Variants in MACROD1 observed in about 807,000 individuals in gnomAD.
MACROD1 encodes mono-ADP ribosylhydrolase 1, also known as ADP-ribose glycohydrolase MACROD1.
Under a neutral mutation model 41.4 loss-of-function variants are expected in MACROD1, and 31 were observed. The observed-to-expected ratio is 0.75, with a 90% CI of 0.56 to 1.01. The LOEUF is 1.01. MACROD1 is among the 50% of genes least tolerant of loss of function. The pLI is 0.00. For synonymous variants in MACROD1, 252 were observed against 203.4 expected, an observed-to-expected ratio of 1.24 and a Z score of -2.03; for missense variants, 473 against 460.0, an observed-to-expected ratio of 1.03 and a Z score of -0.26.
intron 3 of MACROD1, chr11:64,117,731 C>A: frequency 6.2e-7 from 1 of 1,613,802 alleles, no homozygotes; most frequent in South Asian, 1.1e-5. Context: ...TGCAGGGGGA[C>A]AAGACAGAGT....
chr11:64,108,210 G>A (rs1479178496), intron 3 of MACROD1, among the ~76,000 whole-genome samples: 1 of 152,022 alleles, frequency 6.6e-6, no homozygotes, highest in African/African-American at 2.4e-5. Flanking sequence ...CTACGCGGGA[G>A]GCTGAGGCAG....
intron 4 of MACROD1, among the ~76,000 whole-genome samples, chr11:64,007,551 G>A (rs1942934277): frequency 6.6e-6 from 1 of 152,156 alleles, no homozygotes; most frequent in Non-Finnish European, 1.5e-5. Flanking sequence ...GCCTCTACAG[G>A]ACCTCCCGGG....
chr11:64,127,529 A>C (rs1041368487), intron 3 of MACROD1, among the ~76,000 whole-genome samples: 3 of 152,162 alleles, frequency 2.0e-5, no homozygotes, highest in African/African-American at 7.2e-5. Context: ...GGCAGGATGG[A>C]GACTGTTCCC....
intron 3 of MACROD1, among the ~76,000 whole-genome samples, chr11:64,111,272 G>T (rs1489684486): frequency 6.6e-6 from 1 of 152,222 alleles, no homozygotes; most frequent in Non-Finnish European, 1.5e-5. Context: ...TGTATCCCTT[G>T]TGCCAGAACT....
intron 1 of MACROD1, 150 bp downstream of exon 1, chr11:64,165,547 G>A: frequency 1.7e-6 from 1 of 597,082 alleles, no homozygotes; most frequent in Non-Finnish European, 2.6e-6. Context: ...GCTGTCAATG[G>A]GGAGGAGGGG....
chr11:64,163,449 G>A (rs1458086258), intron 1 of MACROD1, among the ~76,000 whole-genome samples: 2 of 152,162 alleles, frequency 1.3e-5, no homozygotes, highest in Non-Finnish European at 2.9e-5. Flanking sequence ...GAGAGACTTC[G>A]AAGACGAGGT....
rs7926853 is a variant in MACROD1 at position 64,033,335 on chromosome 11, C to T, written c.518-18054G>A. 8.5e-3 allele frequency among the ~76,000 whole-genome samples: 1,288 copies of T among 152,288 alleles called. 23 individuals carry two copies. Among genetic ancestry groups the T allele is most frequent in the African/African-American group, 0.029 (1,216 of 41,546 alleles). On this transcript the variant is annotated intron_variant, in intron 3 of 10. Coordinates refer to ENST00000255681, the MANE Select transcript of MACROD1 (RefSeq NM_014067.4). ...TGCACAGCCACCAGGCATGGCTGAG[C>T]GGGTTATTCCATCAGCTTTGTGGAA... is the stretch of plus-strand genomic sequence containing the variant.
chr11:64,114,889 C>T lies in MACROD1; in HGVS notation c.517+36350G>A, dbSNP rs555289503. Among the ~76,000 whole-genome samples, 3 of 152,316 alleles carry T rather than the reference C, an allele frequency of 2.0e-5. No individual in the cohort carries two copies. The East Asian group carries it at 5.8e-4, about 29-fold the overall frequency. On this transcript the variant is annotated intron_variant, in intron 3 of 10. Transcript: ENST00000255681. ...GAGGAGGTAACATTTGAGCTGGGTC[C>T]TGCAAGAGTAGCTTGCTCGATGGAA...
chr11:64,004,667 T>A (rs1942881308), intron 4 of MACROD1, among the ~76,000 whole-genome samples: 1 of 152,064 alleles, frequency 6.6e-6, no homozygotes, highest in South Asian at 2.1e-4. Flanking sequence ...CTCTTTGGGA[T>A]TTCTCTTCCC....
chr11:64,079,723 G>A (rs890115431), intron 3 of MACROD1, among the ~76,000 whole-genome samples: 2 of 152,120 alleles, frequency 1.3e-5, no homozygotes, highest in African/African-American at 4.8e-5. Context: ...GGTTCAGGGA[G>A]AGAGTGGGGC....
intron 1 of MACROD1, among the ~76,000 whole-genome samples, chr11:64,160,697 T>C (rs1393643875): frequency 6.6e-6 from 1 of 151,374 alleles, no homozygotes; most frequent in Non-Finnish European, 1.5e-5. Flanking sequence ...ATGCCTATAG[T>C]CCCAGCTACT....
intron 3 of MACROD1, among the ~76,000 whole-genome samples, chr11:64,062,043 G>T (rs1943915627): frequency 7.2e-6 from 1 of 138,140 alleles, no homozygotes; most frequent in African/African-American, 2.8e-5. Context: ...ATTCTGTCCT[G>T]TCCAAAGCCT....
chr11:64,033,776 G>C (rs1246047807), intron 3 of MACROD1, among the ~76,000 whole-genome samples: 1 of 152,076 alleles, frequency 6.6e-6, no homozygotes, highest in Non-Finnish European at 1.5e-5. Flanking sequence ...GGGAGGCAGA[G>C]GTTGCCATGA....
Position 64,118,041 on chromosome 11 carries a change from C to A in MACROD1, c.517+33198G>T, listed in dbSNP as rs375487485. The A allele has an allele frequency of 5.3e-5, 85 of 1,613,480 alleles. No individual in the cohort carries two copies. In the Admixed American group the frequency reaches 1.4e-3, roughly 26 times the overall value. On this transcript the variant is annotated intron_variant, in intron 3 of 10. Coordinates refer to ENST00000255681, the MANE Select transcript of MACROD1 (RefSeq NM_014067.4). ...GCTGACCCGGGAGAGGGCCTACAAC[C>A]GGGGCAGCAGGAAAAAGGATGACTA...
intron 3 of MACROD1, among the ~76,000 whole-genome samples, chr11:64,032,414 G>A (rs1943306503): frequency 6.6e-6 from 1 of 152,152 alleles, no homozygotes; most frequent in Admixed American, 6.5e-5. Flanking sequence ...TGAGTTGCAG[G>A]ATGGCGAGCA....
chr11:64,034,603 AG>A (rs1431665191), intron 3 of MACROD1, among the ~76,000 whole-genome samples: 1 of 152,064 alleles, frequency 6.6e-6, no homozygotes, highest in Non-Finnish European at 1.5e-5. Context: ...TGGGCGCAAG[AG>A]GGCTGGGTTT....
intron 3 of MACROD1, chr11:64,086,967 C>G (rs557394061): frequency 6.6e-6 from 1 of 152,200 alleles, no homozygotes; most frequent in African/African-American, 2.4e-5. Context: ...AGCCTTTTGA[C>G]GCAGGGAGAT....
chr11:64,085,514 A>G (rs1246209448), intron 3 of MACROD1, among the ~76,000 whole-genome samples: 1 of 152,158 alleles, frequency 6.6e-6, no homozygotes, highest in Non-Finnish European at 1.5e-5. Context: ...TTGTCCACCC[A>G]AATTAAATTT....
At chr11:64,135,831 G>A (rs1191478744) in intron 3 of MACROD1, among the ~76,000 whole-genome samples, 2 of 152,190 alleles carry the variant, frequency 1.3e-5, no homozygotes, top group Non-Finnish European at 2.9e-5. Context: ...CCCTGCCCAA[G>A]GCTGTGTGGT....
Sources: allele counts gnomAD v4.1 joint callset (sites outside exome capture counted in the v4.1 genomes callset), GRCh38; gene constraint gnomAD v4.1.1; transcripts MANE v1.5; gene names NCBI Gene and HGNC (gene_info 2026-07-23, HGNC 2026-07-21).